Variants in CELA2B observed in about 807,000 individuals in gnomAD.
CELA2B encodes chymotrypsin like elastase 2B.
Under a neutral mutation model 36.5 loss-of-function variants are expected in CELA2B, and 27 were observed. The observed-to-expected ratio is 0.74, with a 90% confidence interval of 0.55 to 1.02. CELA2B has a LOEUF of 1.02. Ranked by LOEUF, CELA2B falls within the 50% of genes least tolerant of loss-of-function variation. The probability of loss-of-function intolerance (pLI) is 0.00; values close to 1 mark genes in which losing one functional copy is unlikely to be tolerated. For synonymous variants in CELA2B, 143 were observed against 148.5 expected (o/e 0.96, Z 0.27); for missense variants, 340 against 347.8 (o/e 0.98, Z 0.18).
In CELA2B at chr1:15,481,100, C is replaced by G. The variant is rs145448066; in HGVS notation, c.132C>G (p.Val44=). The part of the protein sequence containing the change: ...EARPNSWPWQ[V]SLQYSSNGQW... ...CACAGACCTGTGTTTCTCCCCAGGT[C>G]TCCCTGCAGTACAGCTCCAATGGCC... is the stretch of plus-strand genomic sequence containing the variant. Residue 44 remains valine (V), a splice_region_variant and synonymous_variant, in exon 3 of 8, where the codon GTC becomes GTG. Coordinates refer to ENST00000375910, the MANE Select transcript of CELA2B (RefSeq NM_015849.3). 388 of 1,612,258 alleles carry G rather than the reference C, an allele frequency of 2.4e-4. No homozygotes were observed. The highest frequency in any genetic ancestry group is 3.1e-4 in the Non-Finnish European group (367 of 1,180,002).
chr1:15,476,201 C>T (rs375665242), intron 1 of CELA2B, 36 bp downstream of exon 1: 2 of 1,613,820 alleles, frequency 1.2e-6, no homozygotes, highest in East Asian at 2.2e-5. Flanking sequence ...GGTTTCCCAT[C>T]CCCTGGTGGG....
At chr1:15,476,411 T>G in intron 1 of CELA2B, 46 bp from the exon 2 acceptor site, 1 of 1,577,132 alleles carries the variant, frequency 6.3e-7, no homozygotes, top group Non-Finnish European at 8.7e-7. Flanking sequence ...GTTTACATTG[T>G]GTGGGTCGCT....
intron 2 of CELA2B, among the ~76,000 whole-genome samples, chr1:15,478,259 G>T (rs1398309200): frequency 6.6e-6 from 1 of 150,812 alleles, no homozygotes; most frequent in Non-Finnish European, 1.5e-5. Context: ...TTGTTTTTTG[G>T]TTAGACAGAG....
intron 2 of CELA2B, 23 bp from the exon 3 acceptor site, chr1:15,481,075 C>G: frequency 1.2e-6 from 2 of 1,611,264 alleles, no homozygotes; most frequent in Non-Finnish European, 1.7e-6. Flanking sequence ...CAGCCACAGC[C>G]ACAGACCTGT....
chr1:15,476,363 G>A (rs1442842074), intron 1 of CELA2B, 94 bp from the exon 2 acceptor site: 1 of 1,445,882 alleles, frequency 6.9e-7, no homozygotes, highest in Non-Finnish European at 9.7e-7. Flanking sequence ...TCTAGAACAA[G>A]GGTTTTCTAT....
intron 7 of CELA2B, among the ~76,000 whole-genome samples, chr1:15,488,678 A>G (rs1289794979): frequency 6.6e-6 from 1 of 152,248 alleles, no homozygotes; most frequent in Non-Finnish European, 1.5e-5. Flanking sequence ...AGAGCCCCCA[A>G]AGAAGGGGAA....
chr1:15,482,776 TTTTTTCTTTTCC>T (rs1356617950), intron 4 of CELA2B, among the ~76,000 whole-genome samples: 3 of 152,102 alleles, frequency 2.0e-5, no homozygotes, highest in African/African-American at 7.2e-5. Context: ...CCGCATTTTC[TTTTTTCTTTTCC>T]TTTTTCTTTT....
Position 15,476,530 on chromosome 1 carries a change from C to T in CELA2B, c.114C>T (p.Asn38=). 6.2e-7 allele frequency: 1 copy of T among 1,613,914 alleles called. No individual in the cohort carries two copies. The highest frequency in any genetic ancestry group is 8.5e-7 in the Non-Finnish European group (1 of 1,180,016). The change falls in exon 2 of 8, where the codon AAC becomes AAT. Residue 38 remains asparagine (N), a synonymous_variant. Transcript: ENST00000375910. The part of the protein sequence containing the change: ...RMLGGEEARP[N]SWPWQVSLQY... ...TTGGAGGTGAAGAAGCGAGGCCCAA[C>T]AGCTGGCCCTGGCAGGTGAGTTGAC...
At chr1:15,481,320 G>C in intron 3 of CELA2B, 125 bp downstream of exon 3, 1 of 1,133,036 alleles carries the variant, frequency 8.8e-7, no homozygotes, top group East Asian at 2.5e-5. Flanking sequence ...GCCTGGCCGA[G>C]ACACAAGCTG....
chr1:15,476,843 A>G (rs3766159), intron 2 of CELA2B, among the ~76,000 whole-genome samples: 89,161 of 151,964 alleles, frequency 0.59, 28,127 homozygotes, highest in African/African-American at 0.84. Context: ...TTAGCCAAGC[A>G]CAGTGGCACA....
At chr1:15,476,294 G>A (rs1196245882) in intron 1 of CELA2B, 129 bp downstream of exon 1, 17 of 1,443,206 alleles carry the variant, frequency 1.2e-5, no homozygotes, top group Middle Eastern at 1.8e-4. Context: ...TAAGAAAACC[G>A]AAATGGAGTT....
intron 2 of CELA2B, among the ~76,000 whole-genome samples, chr1:15,477,463 A>T (rs1708686702): frequency 6.6e-6 from 1 of 152,258 alleles, no homozygotes; most frequent in African/African-American, 2.4e-5. Context: ...AAAGTTGGTT[A>T]TAAAGAAATT....
intron 2 of CELA2B, among the ~76,000 whole-genome samples, chr1:15,479,730 G>A (rs569187403): frequency 1.8e-4 from 28 of 152,194 alleles, no homozygotes; most frequent in Non-Finnish European, 3.2e-4. Context: ...TTGGGATAGC[G>A]TGGTCACAGA....
At chr1:15,477,670 T>C (rs991932848) in intron 2 of CELA2B, among the ~76,000 whole-genome samples, 1 of 152,118 alleles carries the variant, frequency 6.6e-6, no homozygotes, top group Non-Finnish European at 1.5e-5. Flanking sequence ...TTACGACTTT[T>C]CCCCCCAATC....
At chr1:15,488,134 C>T (rs915000846) in intron 7 of CELA2B, among the ~76,000 whole-genome samples, 11 of 152,182 alleles carry the variant, frequency 7.2e-5, no homozygotes, top group Non-Finnish European at 1.6e-4. Flanking sequence ...TGCCTGTAAT[C>T]GCAGCACTTT....
At chr1:15,477,162 G>T (rs549044140) in intron 2 of CELA2B, among the ~76,000 whole-genome samples, 1 of 152,220 alleles carries the variant, frequency 6.6e-6, no homozygotes, top group Admixed American at 6.5e-5. Context: ...ATTATCCTAT[G>T]AACCATTCAA....
In CELA2B at chr1:15,484,301, A is replaced by C. The variant is rs142346533; in HGVS notation, c.493+901A>C. Among the ~76,000 whole-genome samples, 131 of 152,302 alleles carry C rather than the reference A, an allele frequency of 8.6e-4. 2 individuals are homozygous for C. The East Asian group carries it at 0.022, about 26-fold the overall frequency. On this transcript the variant is annotated intron_variant, in intron 5 of 7. Coordinates refer to ENST00000375910, the MANE Select transcript of CELA2B (RefSeq NM_015849.3). ...CAAGGGTCAGAGATCCAATGACAGT[A>C]GCCACCAAGAGGAACAGAGTTCCCG...
chr1:15,488,590 T>C (rs573296417), intron 7 of CELA2B, among the ~76,000 whole-genome samples: 7 of 152,322 alleles, frequency 4.6e-5, no homozygotes, highest in African/African-American at 9.6e-5. Flanking sequence ...ACCTGTTTGC[T>C]CTTCTGTAAA....
Position 15,481,145 on chromosome 1 carries a change from A to T in CELA2B, c.177A>T (p.Gly59=), listed in dbSNP as rs1307872302. 5 of 1,613,656 alleles carry T rather than the reference A, an allele frequency of 3.1e-6. No individual in the cohort carries two copies. The highest frequency in any genetic ancestry group is 4.2e-6 in the Non-Finnish European group (5 of 1,180,024). The change falls in exon 3 of 8, where the codon GGA becomes GGT. Residue 59 remains glycine (G), a synonymous_variant. Coordinates refer to ENST00000375910, the MANE Select transcript of CELA2B (RefSeq NM_015849.3). ...ATGGCCAGTGGTACCACACCTGCGG[A>T]GGGTCCCTGATAGCCAACAGCTGGG... ...SSNGQWYHTC[G]GSLIANSWVL...
Sources: allele counts gnomAD v4.1 joint callset (sites outside exome capture counted in the v4.1 genomes callset), GRCh38; gene constraint gnomAD v4.1.1; transcripts MANE v1.5; gene names NCBI Gene and HGNC (gene_info 2026-07-23, HGNC 2026-07-21).